Variants in MOB4 observed in about 807,000 individuals in gnomAD.
MOB4 encodes MOB family member 4, phocein, also known as MOB-like protein phocein.
A neutral mutation model predicts 32.2 loss-of-function variants in MOB4; 4 were observed. The ratio of observed to expected loss-of-function variants is 0.12; its 90% confidence interval spans 0.06 to 0.28. The LOEUF is 0.28. MOB4 is among the 10% of genes least tolerant of loss of function. MOB4 has a pLI of 1.00. For synonymous variants in MOB4, 88 were observed against 88.1 expected, an observed-to-expected ratio of 1.00 and a Z score of 0.01; for missense variants, 158 against 271.2, an observed-to-expected ratio of 0.58 and a Z score of 2.93.
chr2:197,548,561 A>G (rs2087038278), intron 6 of MOB4, 146 bp downstream of exon 6: 1 of 484,816 alleles, frequency 2.1e-6, no homozygotes, highest in Non-Finnish European at 3.7e-6. Context: ...CCAACATGGC[A>G]CATGTATACA....
chr2:197,517,324 C>T (rs768688588), intron 1 of MOB4, among the ~76,000 whole-genome samples: 34 of 152,204 alleles, frequency 2.2e-4, no homozygotes, highest in Non-Finnish European at 4.6e-4. Flanking sequence ...TTTGGAGTCA[C>T]ATTAAGCTGT....
chr2:197,545,232 C>T (rs747834364), intron 5 of MOB4, among the ~76,000 whole-genome samples: 15 of 152,138 alleles, frequency 9.9e-5, no homozygotes, highest in Non-Finnish European at 2.1e-4. Context: ...CCAGGACCCC[C>T]ATGAATACCA....
intron 1 of MOB4, among the ~76,000 whole-genome samples, chr2:197,523,014 T>C (rs2086548738): frequency 6.6e-6 from 1 of 151,624 alleles, no homozygotes; most frequent in South Asian, 2.1e-4. Context: ...CTCAAAATAA[T>C]AATAATAATA....
intron 1 of MOB4, among the ~76,000 whole-genome samples, chr2:197,522,594 G>A (rs1028294187): frequency 2.6e-5 from 4 of 151,886 alleles, no homozygotes; most frequent in African/African-American, 9.7e-5. Context: ...GCCTCCCAAA[G>A]TGGTAGGGTT....
chr2:197,528,598 C>CTTTTT (rs1159596786), intron 2 of MOB4, among the ~76,000 whole-genome samples: 6 of 147,160 alleles, frequency 4.1e-5, no homozygotes, highest in African/African-American at 1.2e-4. Context: ...TCCCAATTTT[C>CTTTTT]TTTTTCTTTT....
chr2:197,550,572 T>G lies in MOB4; in HGVS notation c.604T>G (p.Ser202Ala). The G allele has an allele frequency of 6.2e-7, 1 of 1,610,170 alleles. No homozygotes were observed. Among genetic ancestry groups the G allele is most frequent in the Non-Finnish European group, 8.5e-7 (1 of 1,178,930 alleles). Residue 202 changes from serine to alanine, a missense_variant, in exon 8 of 8, where the codon TCC becomes GCC. Physicochemically the swap from Ser to Ala is moderately conservative, Grantham distance 99 (BLOSUM62 1). Transcript: ENST00000323303. ...GTTTGTGATGAAATACAATTTGATGTCCAAGGATAACCTGATTGTACCAAT... is the reference window on the plus strand; with the variant it reads ...GTTTGTGATGAAATACAATTTGATGGCCAAGGATAACCTGATTGTACCAAT... Reference protein sequence around the residue: ...TKFVMKYNLMSKDNLIVPILE... With the variant: ...TKFVMKYNLMAKDNLIVPILE...
At chr2:197,548,543 G>A (rs2087037927) in intron 6 of MOB4, 128 bp downstream of exon 6, 2 of 548,842 alleles carry the variant, frequency 3.6e-6, no homozygotes, top group African/African-American at 1.9e-5. Context: ...GTTAATGGGT[G>A]CAGCACACCA....
intron 1 of MOB4, among the ~76,000 whole-genome samples, chr2:197,520,363 T>C (rs2086493706): frequency 6.6e-6 from 1 of 152,046 alleles, no homozygotes; most frequent in Admixed American, 6.5e-5. Context: ...ATGGTCTCGA[T>C]CTGCTGACCT....
intron 3 of MOB4, among the ~76,000 whole-genome samples, chr2:197,537,404 T>C (rs1283654466): frequency 6.6e-6 from 1 of 152,194 alleles, no homozygotes. Context: ...TTTAGATAAA[T>C]AGAGTAGAAA....
intron 2 of MOB4, among the ~76,000 whole-genome samples, chr2:197,530,117 C>T (rs1035460975): frequency 5.9e-5 from 9 of 151,746 alleles, no homozygotes; most frequent in South Asian, 2.1e-4. Context: ...TAACAGGCGC[C>T]TGCCACCGTG....
chr2:197,541,733 A>C (rs1351194347), intron 5 of MOB4, among the ~76,000 whole-genome samples: 1 of 151,912 alleles, frequency 6.6e-6, no homozygotes, highest in African/African-American at 2.4e-5. Flanking sequence ...TCCCGGCTAA[A>C]ACGGTGAAAC....
intron 2 of MOB4, among the ~76,000 whole-genome samples, chr2:197,532,934 A>G (rs931177749): frequency 1.1e-4 from 16 of 152,104 alleles, no homozygotes; most frequent in Admixed American, 9.2e-4. Flanking sequence ...CACCATCTCT[A>G]CTAAAAATAC....
At chr2:197,528,337 C>T (rs771683881) in intron 2 of MOB4, among the ~76,000 whole-genome samples, 2 of 151,992 alleles carry the variant, frequency 1.3e-5, no homozygotes, top group Admixed American at 1.3e-4. Context: ...AAATGGGTAC[C>T]TGCGCAGTTT....
intron 1 of MOB4, among the ~76,000 whole-genome samples, chr2:197,523,247 G>T (rs185320958): frequency 1.3e-5 from 2 of 152,018 alleles, no homozygotes; most frequent in Non-Finnish European, 2.9e-5. Flanking sequence ...TGGAAAAAAC[G>T]TAATTTATAG....
chr2:197,546,499 A>G (rs1475831446), intron 5 of MOB4, among the ~76,000 whole-genome samples: 4 of 152,000 alleles, frequency 2.6e-5, no homozygotes, highest in Admixed American at 1.3e-4. Flanking sequence ...TGCTCAAGCA[A>G]TCCTCCTGCC....
chr2:197,522,090 G>A (rs2086530224), intron 1 of MOB4, among the ~76,000 whole-genome samples: 1 of 152,150 alleles, frequency 6.6e-6, no homozygotes, highest in Non-Finnish European at 1.5e-5. Context: ...ACTAATAAAT[G>A]TCCATGAAAT....
intron 5 of MOB4, among the ~76,000 whole-genome samples, chr2:197,542,631 AACTT>A (rs1364165964): frequency 6.6e-6 from 1 of 152,242 alleles, no homozygotes; most frequent in African/African-American, 2.4e-5. Flanking sequence ...CAAACATTAT[AACTT>A]ACTGTCTACA....
intron 5 of MOB4, among the ~76,000 whole-genome samples, chr2:197,546,054 T>G (rs993868764): frequency 3.3e-5 from 5 of 152,106 alleles, no homozygotes; most frequent in African/African-American, 1.2e-4. Context: ...TACCTTTTTA[T>G]TTTTTATTTT....
rs2087075844 is a variant in MOB4 at position 197,550,293 on chromosome 2, A to G, written c.453A>G (p.Ser151=). 1.2e-6 allele frequency: 2 copies of G among 1,612,978 alleles called. No individual in the cohort carries two copies. Among genetic ancestry groups the G allele is most frequent in the Non-Finnish European group, 1.7e-6 (2 of 1,179,914 alleles). ...YFPSRVSIKE[S]SVAKLGSVCR... is the part of the protein sequence containing the mutation. ...CTTCTAGGGTTAGCATAAAGGAATCATCTGTAGCGAAACTAGGATCAGTAT... is the reference window on the plus strand; with the variant it reads ...CTTCTAGGGTTAGCATAAAGGAATCGTCTGTAGCGAAACTAGGATCAGTAT... Residue 151 remains serine, a synonymous_variant, in exon 7 of 8, where the codon TCA becomes TCG. Transcript: ENST00000323303.
Sources: allele counts gnomAD v4.1 joint callset (sites outside exome capture counted in the v4.1 genomes callset), GRCh38; gene constraint gnomAD v4.1.1; transcripts MANE v1.5; gene names NCBI Gene and HGNC (gene_info 2026-07-23, HGNC 2026-07-21).